WDR55: variants seen among roughly 807,000 people sequenced by gnomAD.
WDR55 encodes WD repeat-containing protein 55.
A neutral mutation model predicts 34.0 loss-of-function variants in WDR55; 31 were observed. That is an observed-to-expected ratio of 0.91 (90% CI 0.69 to 1.23). The LOEUF (loss-of-function observed/expected upper bound fraction) is 1.23. WDR55 is among the 50% of genes most tolerant of loss of function. The pLI, the probability that WDR55 is intolerant of heterozygous loss-of-function variation, is 0.00. For missense variants in WDR55, 440 were observed against 494.6 expected (o/e 0.89, Z 1.05); for synonymous variants, 164 against 185.9 (o/e 0.88, Z 0.96).
At chr5:140,666,274 T>G (rs1376477790) in intron 1 of WDR55, among the ~76,000 whole-genome samples, 1 of 151,842 alleles carries the variant, frequency 6.6e-6, no homozygotes, top group African/African-American at 2.4e-5. Context: ...CGGGCACCTG[T>G]AATCCCAGCT....
chr5:140,666,441 G>A (rs1008242893), intron 1 of WDR55: 2 of 170,222 alleles, frequency 1.2e-5, no homozygotes, highest in African/African-American at 4.8e-5. Context: ...GTGCTATTCT[G>A]TCCGGAAAAC....
rs200633416 is a variant in WDR55 at position 140,669,351 on chromosome 5, G to T, written c.849G>T (p.Pro283=). The change falls in exon 7 of 7, where the codon CCG becomes CCT. Residue 283 remains proline, a synonymous_variant. Coordinates refer to ENST00000358337, the MANE Select transcript of WDR55 (RefSeq NM_017706.5). The part of the protein sequence containing the change: ...DGVIRAVNIL[P]NRVVGSVGQH... ...TGCCCAGGGCTGTGAACATCCTACC[G>T]AACCGAGTGGTGGGCAGTGTGGGCC... The T allele has an allele frequency of 6.2e-7, 1 of 1,611,622 alleles. No individual in the cohort carries two copies. The highest frequency in any genetic ancestry group is 2.2e-5 in the East Asian group (1 of 44,812).
In WDR55 at chr5:140,668,415, A is replaced by G. The variant is rs1000090517; in HGVS notation, c.293A>G (p.Lys98Arg). 1 of 1,614,064 alleles carries G rather than the reference A, an allele frequency of 6.2e-7. No homozygotes were observed. The highest frequency in any genetic ancestry group is 8.5e-7 in the Non-Finnish European group (1 of 1,180,046). ...CATGACCTGGGCACCTTTTCCCCAG[A>G]GCTCATTACTGTCTCCAAGGACAAA... ...RAVAFSEDGQ[K>R]LITVSKDKAI... The change falls in exon 3 of 7, where the codon AAG (lysine) becomes AGG (arginine). Residue 98 changes from lysine (K) to arginine (R), a missense_variant and splice_region_variant. Physicochemically the swap from Lys to Arg is conservative, Grantham distance 26. Coordinates refer to ENST00000358337, the MANE Select transcript of WDR55 (RefSeq NM_017706.5).
At position 140,668,486 on chromosome 5, in the gene WDR55, G is replaced by C. The variant is rs1399295817; in HGVS notation, c.364G>C (p.Val122Leu). The change falls in exon 3 of 7, where the codon GTT (valine) becomes CTT (leucine). Residue 122 changes from valine to leucine, a missense_variant. Transcript: ENST00000358337. ...DVEQGQLERR[V>L]SKAHGAPINS... is the part of the protein sequence containing the mutation. Reference sequence around the variant, plus strand: ...GGAGCAGGGCCAACTGGAAAGACGTGTTTCCAAGGCTCATGGGTAAGGAGA... The same window carrying C: ...GGAGCAGGGCCAACTGGAAAGACGTCTTTCCAAGGCTCATGGGTAAGGAGA... 1.2e-6 allele frequency: 2 copies of C among 1,614,078 alleles called. No homozygotes were observed. The highest frequency in any genetic ancestry group is 1.3e-5 in the African/African-American group (1 of 74,932).
In WDR55 at chr5:140,668,522, C is replaced by G; in HGVS notation, c.380+20C>G. The G allele has an allele frequency of 6.2e-7, 1 of 1,613,326 alleles. No homozygotes were observed. The highest frequency in any genetic ancestry group is 8.5e-7 in the Non-Finnish European group (1 of 1,179,474). ...TCATGGGTAAGGAGAGCAGCCAATT[C>G]TGTGTATGTGCATGGAGGTGAAGGG... On this transcript the variant is annotated intron_variant, in intron 3 of 6. Transcript: ENST00000358337.
At chr5:140,665,246 T>G in intron 1 of WDR55, 143 bp downstream of exon 1, 7 of 697,760 alleles carry the variant, frequency 1.0e-5, no homozygotes, top group Non-Finnish European at 1.6e-5. Context: ...ATTCGGCTCT[T>G]CTATCACACC....
In WDR55 at chr5:140,669,258, G is replaced by T; in HGVS notation, c.830+10G>T. ...CTGATGGAGTCATCAGGTGAGGGAAGCCTGGACAGCCCTTAGGTCACAGGA... is the reference window on the plus strand; with the variant it reads ...CTGATGGAGTCATCAGGTGAGGGAATCCTGGACAGCCCTTAGGTCACAGGA... On this transcript the variant is annotated intron_variant, in intron 6 of 6. Coordinates refer to ENST00000358337, the MANE Select transcript of WDR55 (RefSeq NM_017706.5). 1 of 1,613,388 alleles carries T rather than the reference G, an allele frequency of 6.2e-7. No homozygotes were observed. The highest frequency in any genetic ancestry group is 1.7e-5 in the Admixed American group (1 of 60,002).
In WDR55 at chr5:140,670,385, G is replaced by A. The variant is rs1456586191; in HGVS notation, c.*731G>A. 1 of 133,768 alleles carries A rather than the reference G, an allele frequency of 7.5e-6. No individual in the cohort carries two copies. The highest frequency in any genetic ancestry group is 1.6e-5 in the Non-Finnish European group (1 of 63,952). The allele number at this position is 133,768 out of a possible 1,614,324, so 8.3% of individuals were successfully genotyped here. On this transcript the variant is annotated 3_prime_UTR_variant, in exon 7 of 7. Coordinates refer to ENST00000358337, the MANE Select transcript of WDR55 (RefSeq NM_017706.5). ...TTTTTTGAGACAGGGTTTCGCTCTTGTTGCCAGGGCTGGAGTGCAATGGCG... is the reference window on the plus strand; with the variant it reads ...TTTTTTGAGACAGGGTTTCGCTCTTATTGCCAGGGCTGGAGTGCAATGGCG...
At chr5:140,666,359 G>T (rs531948423) in intron 1 of WDR55, among the ~76,000 whole-genome samples, 5 of 152,318 alleles carry the variant, frequency 3.3e-5, no homozygotes, top group African/African-American at 1.2e-4. Flanking sequence ...TCGTGCCATT[G>T]CACTCCAGCC....
rs774507533 is a variant in WDR55 at position 140,665,090 on chromosome 5, G to C, written c.178G>C (p.Gly60Arg). The C allele has an allele frequency of 6.3e-7, 1 of 1,599,600 alleles. No individual in the cohort carries two copies. The highest frequency in any genetic ancestry group is 8.5e-7 in the Non-Finnish European group (1 of 1,171,286). Residue 60 changes from glycine (G) to arginine (R), a missense_variant, in exon 1 of 7, where the codon GGG (glycine) becomes CGG (arginine). By Grantham distance (125) the Gly-to-Arg change is moderately radical. Coordinates refer to ENST00000358337, the MANE Select transcript of WDR55 (RefSeq NM_017706.5). ...RDLLAAGDVD[G>R]DVFVFSYSCQ... is the part of the protein sequence containing the mutation. ...CCTACTGGCTGCAGGGGACGTGGAC[G>C]GGGACGTGTTCGTGTGAGAGCGGGG...
chr5:140,666,003 T>C (rs1444433677), intron 1 of WDR55, among the ~76,000 whole-genome samples: 1 of 151,184 alleles, frequency 6.6e-6, no homozygotes, highest in Non-Finnish European at 1.5e-5. Flanking sequence ...ACTCCCTTGA[T>C]TAAAACCCTT....
intron 1 of WDR55, chr5:140,666,707 T>C: frequency 1.0e-6 from 1 of 985,376 alleles, no homozygotes; most frequent in Non-Finnish European, 1.2e-6. Flanking sequence ...TTATATATGA[T>C]GCTCTGTGAT....
At chr5:140,666,658 A>G in intron 1 of WDR55, 1 of 984,662 alleles carries the variant, frequency 1.0e-6, no homozygotes, top group Non-Finnish European at 1.2e-6. Flanking sequence ...TGTTTTTCAA[A>G]CGTCTTTGAC....
rs1478686019 is a variant in WDR55 at position 140,672,125 on chromosome 5, A to C, written c.*2471A>C. On this transcript the variant is annotated 3_prime_UTR_variant, in exon 7 of 7. Coordinates refer to ENST00000358337, the MANE Select transcript of WDR55 (RefSeq NM_017706.5). Reference sequence around the variant, plus strand: ...GGAAACAGATTCTATAGTAGTAAAAAGCTCAGTTGGATTCCCTTGAGCAAA... The same window carrying C: ...GGAAACAGATTCTATAGTAGTAAAACGCTCAGTTGGATTCCCTTGAGCAAA... 2.0e-5 allele frequency: 11 copies of C among 547,374 alleles called. No homozygotes were observed. The highest frequency in any genetic ancestry group is 2.9e-5 in the Non-Finnish European group (9 of 305,566). The allele number at this position is 547,374 out of a possible 1,614,324, so 33.9% of individuals were successfully genotyped here. A position where few individuals can be genotyped will look rare whatever the true frequency, so the allele number is the denominator to read the frequency against.
chr5:140,671,442 T>C lies in WDR55; in HGVS notation c.*1788T>C. ...CCATCTAGGGTCAGCACAACCCAGA[T>C]GAGGCCGCTGAAGGGCACCGGATGC... is the stretch of plus-strand genomic sequence containing the variant. On this transcript the variant is annotated 3_prime_UTR_variant, in exon 7 of 7. Coordinates refer to ENST00000358337, the MANE Select transcript of WDR55 (RefSeq NM_017706.5). 1 of 1,611,612 alleles carries C rather than the reference T, an allele frequency of 6.2e-7. No individual in the cohort carries two copies. Among genetic ancestry groups the C allele is most frequent in the South Asian group, 1.1e-5 (1 of 90,964 alleles).
Position 140,668,999 on chromosome 5 carries a change from GGTT to G in WDR55, c.660+10_660+12del, listed in dbSNP as rs758199054. On this transcript the variant is annotated intron_variant, in intron 5 of 6. Transcript: ENST00000358337. ...CTGTCACTCTCATGAAAGTACAGCT[GGTT>G]ATGGTGGGATGGAGGGGTGTGTGCT... is the stretch of plus-strand genomic sequence containing the variant. 10 of 1,614,188 alleles carry G rather than the reference GGTT, an allele frequency of 6.2e-6. 1 individual carries two copies. The South Asian group carries it at 1.1e-4, about 18-fold the overall frequency.
chr5:140,668,825 C>T lies in WDR55; in HGVS notation c.560+34C>T, dbSNP rs773117651. ...TCAAAGCTGCCTTGCCTCCCCTCCC[C>T]TCCCTGTGTGAAATGTCTTCCTCAA... On this transcript the variant is annotated intron_variant, in intron 4 of 6. Coordinates refer to ENST00000358337, the MANE Select transcript of WDR55 (RefSeq NM_017706.5). The T allele has an allele frequency of 2.5e-6, 4 of 1,613,422 alleles. No individual in the cohort carries two copies. The Middle Eastern group carries it at 5.0e-4, about 200-fold the overall frequency.
chr5:140,669,279 C>T, intron 6 of WDR55, 31 bp downstream of exon 6: 1 of 1,612,988 alleles, frequency 6.2e-7, no homozygotes, highest in South Asian at 1.1e-5. Context: ...CCTTAGGTCA[C>T]AGGAAGGGCA....
chr5:140,666,465 C>A, intron 1 of WDR55: 1 of 227,722 alleles, frequency 4.4e-6, no homozygotes, highest in Non-Finnish European at 7.3e-6. Flanking sequence ...TTTCCCCTCA[C>A]TTTTACCTAC....
Sources: allele counts gnomAD v4.1 joint callset (sites outside exome capture counted in the v4.1 genomes callset), GRCh38; gene constraint gnomAD v4.1.1; transcripts MANE v1.5; gene names NCBI Gene and HGNC (gene_info 2026-07-23, HGNC 2026-07-21).